Variants in MAP2K5 observed in about 807,000 individuals in gnomAD.
MAP2K5 encodes mitogen-activated protein kinase kinase 5.
MAP2K5 carries 49 observed loss-of-function variants against 83.1 expected under a neutral mutation model. The observed-to-expected ratio is 0.59, with a 90% CI of 0.47 to 0.75. The LOEUF is 0.75. Ranked by LOEUF, MAP2K5 falls within the 30% of genes least tolerant of loss-of-function variation. MAP2K5 has a pLI of 0.00. For synonymous variants in MAP2K5, 202 were observed against 191.8 expected (o/e 1.05, Z -0.44); for missense variants, 457 against 557.5 (o/e 0.82, Z 1.82).
intron 19 of MAP2K5, among the ~76,000 whole-genome samples, chr15:67,751,894 G>T (rs1176672571): frequency 1.3e-5 from 2 of 152,054 alleles, no homozygotes; most frequent in Non-Finnish European, 2.9e-5. Flanking sequence ...AGAGCCCTTT[G>T]CCCCCAGGCT....
chr15:67,700,999 G>T (rs2088402728), intron 15 of MAP2K5, among the ~76,000 whole-genome samples: 1 of 151,794 alleles, frequency 6.6e-6, no homozygotes, highest in Admixed American at 6.6e-5. Context: ...ATATTTCAGT[G>T]GGCAAATGTA....
Position 67,774,167 on chromosome 15 carries a change from ATGTG to A in MAP2K5, c.1242+1448_1242+1451del, listed in dbSNP as rs10529511. Among the ~76,000 whole-genome samples the A allele has an allele frequency of 0.36, 53,485 of 149,274 alleles. 10,191 individuals are homozygous for A. The highest frequency in any genetic ancestry group is 0.69 in the East Asian group (3,493 of 5,044). On this transcript the variant is annotated intron_variant, in intron 21 of 21. Transcript: ENST00000178640. This position sits in a 1 kb window ranked among gnomAD's most constrained non-coding sequence, Gnocchi z 4.9. ...CCTTGAAAGCAAGTGATGTGTGTGT[ATGTG>A]TGTGTGTGTGTGTGTGTGTGTGTGT... is the stretch of plus-strand genomic sequence containing the variant.
chr15:67,547,834 A>G (rs2084428088), intron 1 of MAP2K5, among the ~76,000 whole-genome samples: 1 of 152,230 alleles, frequency 6.6e-6, no homozygotes, highest in African/African-American at 2.4e-5. Context: ...CCGCTTGGAA[A>G]TAAGTCACTT....
At chr15:67,732,751 A>G (rs1276934128) in intron 17 of MAP2K5, among the ~76,000 whole-genome samples, 1 of 151,672 alleles carries the variant, frequency 6.6e-6, no homozygotes, top group Non-Finnish European at 1.5e-5. Flanking sequence ...AGCTCCAGAC[A>G]TTTCACCTGG....
chr15:67,707,732 T>C (rs1234523846), intron 16 of MAP2K5, among the ~76,000 whole-genome samples: 1 of 152,174 alleles, frequency 6.6e-6, no homozygotes, highest in African/African-American at 2.4e-5. Context: ...TAAGGGAGAT[T>C]GGTCTTGAAC....
At chr15:67,796,541 T>A (rs60745485) in intron 21 of MAP2K5, among the ~76,000 whole-genome samples, 13,604 of 152,252 alleles carry the variant, frequency 0.089, 731 homozygotes, top group Admixed American at 0.1. Context: ...AACTCACTCC[T>A]TTCTTGAGAA....
At position 67,747,760 on chromosome 15, in the gene MAP2K5, C is replaced by G. The variant is rs189347681; in HGVS notation, c.1075-471C>G. Among the ~76,000 whole-genome samples, 5 of 152,278 alleles carry G rather than the reference C, an allele frequency of 3.3e-5. No individual in the cohort carries two copies. Among genetic ancestry groups the G allele is most frequent in the Admixed American group, 2.6e-4 (4 of 15,302 alleles). ...ACTTCAACTACATAATTAAAGTTTTCCTCACAAAATAGGGGATTGTGAGCA... is the reference window on the plus strand; with the variant it reads ...ACTTCAACTACATAATTAAAGTTTTGCTCACAAAATAGGGGATTGTGAGCA... On this transcript the variant is annotated intron_variant, in intron 17 of 21. Coordinates refer to ENST00000178640, the MANE Select transcript of MAP2K5 (RefSeq NM_145160.3). The surrounding 1 kb of genome is among the most constrained non-coding windows in gnomAD (Gnocchi z 4.1).
intron 19 of MAP2K5, among the ~76,000 whole-genome samples, chr15:67,763,146 C>T (rs1224513973): frequency 6.6e-6 from 1 of 152,120 alleles, no homozygotes; most frequent in African/African-American, 2.4e-5. Flanking sequence ...GGTATGTCAT[C>T]TGCCAGCCTT....
rs952778663 is a variant in MAP2K5 at position 67,586,772 on chromosome 15, G to A, written c.364-74G>A. ...ACCTTCATAGTGAAATGAGAAATTT[G>A]TGGCAAATTATAGGTTAATTAGAAC... On this transcript the variant is annotated intron_variant, in intron 5 of 21. Transcript: ENST00000178640. 1.3e-5 allele frequency: 18 copies of A among 1,374,042 alleles called. No homozygotes were observed. The African/African-American group carries it at 2.3e-4, about 17-fold the overall frequency. 85.1% of individuals were successfully genotyped at this position (1,374,042 alleles called of 1,614,324 possible). A position where few individuals can be genotyped will look rare whatever the true frequency, so the allele number is the denominator to read the frequency against.
At chr15:67,601,117 G>A (rs1473228926) in intron 8 of MAP2K5, among the ~76,000 whole-genome samples, 1 of 152,068 alleles carries the variant, frequency 6.6e-6, no homozygotes, top group African/African-American at 2.4e-5. Flanking sequence ...GTTATGCCCA[G>A]TGGAAGCCAG....
intron 3 of MAP2K5, among the ~76,000 whole-genome samples, chr15:67,576,890 A>T (rs1596584785): frequency 6.8e-6 from 1 of 146,178 alleles, no homozygotes; most frequent in African/African-American, 2.5e-5. Context: ...TTATTGCTGC[A>T]GTTTAATTTT....
chr15:67,628,124 A>T, intron 8 of MAP2K5: 1 of 862,356 alleles, frequency 1.2e-6, no homozygotes, highest in Non-Finnish European at 1.9e-6. Flanking sequence ...CTGTCTCAAG[A>T]GGAGATTCTC....
chr15:67,579,159 T>C (rs887437955), intron 3 of MAP2K5, among the ~76,000 whole-genome samples: 11 of 152,278 alleles, frequency 7.2e-5, no homozygotes, highest in South Asian at 2.1e-4. Flanking sequence ...AGGGGGTACA[T>C]GCTGTGGATC....
intron 21 of MAP2K5, among the ~76,000 whole-genome samples, chr15:67,787,959 G>A (rs1211265958): frequency 2.0e-5 from 3 of 152,100 alleles, no homozygotes; most frequent in Non-Finnish European, 4.4e-5. Flanking sequence ...AAAATAATAA[G>A]GCTCTTAATA....
rs140190932 is a variant in MAP2K5, at chr15:67,771,307, C to T, written c.1197-1400C>T. On this transcript the variant is annotated intron_variant, in intron 20 of 21. Transcript: ENST00000178640. Reference sequence around the variant, plus strand: ...GGTTTGGGCATCACCCTCTCTGCTCCGGAGGAGATGTTGGATTTGTGACAG... The same window carrying T: ...GGTTTGGGCATCACCCTCTCTGCTCTGGAGGAGATGTTGGATTTGTGACAG... 7.0e-4 allele frequency among the ~76,000 whole-genome samples: 107 copies of T among 152,274 alleles called. 1 individual carries two copies. The East Asian group carries it at 0.012, about 18-fold the overall frequency.
intron 17 of MAP2K5, among the ~76,000 whole-genome samples, chr15:67,728,238 G>A (rs1337748565): frequency 6.6e-6 from 1 of 152,100 alleles, no homozygotes; most frequent in East Asian, 1.9e-4. Flanking sequence ...TGAGGTTGGA[G>A]GAGAGAGCCA....
At position 67,744,413 on chromosome 15, in the gene MAP2K5, G is replaced by A. The variant is rs148313175; in HGVS notation, c.1075-3818G>A. On this transcript the variant is annotated intron_variant, in intron 17 of 21. Coordinates refer to ENST00000178640, the MANE Select transcript of MAP2K5 (RefSeq NM_145160.3). ...ATTTAAGAGAAAATAATACAAGCTT[G>A]AAAAGCAGTAAATATGTAAAGAGAA... Among the ~76,000 whole-genome samples the A allele has an allele frequency of 6.0e-3, 917 of 152,258 alleles. 8 individuals carry two copies. Among genetic ancestry groups the A allele is most frequent in the Non-Finnish European group, 0.01 (705 of 67,994 alleles).
At chr15:67,686,479 C>G (rs771867269) in intron 13 of MAP2K5, among the ~76,000 whole-genome samples, 1 of 151,588 alleles carries the variant, frequency 6.6e-6, no homozygotes, top group African/African-American at 2.4e-5. Flanking sequence ...TGGTGGCAGG[C>G]GCCTGTAATC....
intron 21 of MAP2K5, among the ~76,000 whole-genome samples, chr15:67,798,738 A>G (rs984230534): frequency 6.6e-6 from 1 of 152,172 alleles, no homozygotes; most frequent in African/African-American, 2.4e-5. Context: ...ATCTATTTCT[A>G]TAGCAATTAT....
Sources: allele counts gnomAD v4.1 joint callset (sites outside exome capture counted in the v4.1 genomes callset), GRCh38; gene constraint gnomAD v4.1.1; non-coding constraint Gnocchi (gnomAD v3.1); transcripts MANE v1.5; gene names NCBI Gene and HGNC (gene_info 2026-07-23, HGNC 2026-07-21).